The following DCAF4 variants were observed in gnomAD, a reference collection of about 807,000 sequenced individuals.
DCAF4 encodes the protein DDB1 and CUL4 associated factor 4, also known as DDB1- and CUL4-associated factor 4.
In DCAF4, 37 loss-of-function variants were observed where a neutral mutation model predicts 60.9. The observed-to-expected ratio is 0.61, with a 90% confidence interval of 0.47 to 0.80. DCAF4 has a LOEUF of 0.80. Ranked by LOEUF, DCAF4 falls within the 30% of genes least tolerant of loss-of-function variation. DCAF4 has a pLI of 0.00. For synonymous variants in DCAF4, 243 were observed against 254.8 expected (o/e 0.95, Z 0.44); for missense variants, 577 against 650.0 (o/e 0.89, Z 1.22).
intron 13 of DCAF4, chr14:72,957,518 T>G (rs1311564569): frequency 6.6e-6 from 1 of 152,264 alleles, no homozygotes; most frequent in Non-Finnish European, 1.5e-5. Context: ...AGCATTACTT[T>G]GTTAGGACAT....
intron 6 of DCAF4, among the ~76,000 whole-genome samples, chr14:72,944,350 C>T (rs1009336998): frequency 6.6e-6 from 1 of 152,172 alleles, no homozygotes; most frequent in African/African-American, 2.4e-5. Context: ...AGTAAACTTA[C>T]AACGTTGGTA....
intron 1 of DCAF4, among the ~76,000 whole-genome samples, chr14:72,934,286 G>A (rs1387068545): frequency 6.6e-6 from 1 of 151,808 alleles, no homozygotes; most frequent in African/African-American, 2.4e-5. Context: ...CCCAAGTAGT[G>A]GGGATTGCAG....
intron 13 of DCAF4, chr14:72,957,396 A>T (rs1341183664): frequency 6.6e-6 from 1 of 152,240 alleles, no homozygotes; most frequent in East Asian, 1.9e-4. Flanking sequence ...TTCACACTGA[A>T]ATAGTAGCTG....
chr14:72,946,073 G>A (rs1193963255), intron 7 of DCAF4, 46 bp downstream of exon 7: 32 of 1,314,322 alleles, frequency 2.4e-5, no homozygotes, highest in Non-Finnish European at 3.4e-5. Flanking sequence ...TGACCCTGGG[G>A]GTAGTTGGCC....
chr14:72,961,168 C>G (rs1354582439), downstream of DCAF4, among the ~76,000 whole-genome samples: 2 of 152,042 alleles, frequency 1.3e-5, no homozygotes, highest in Non-Finnish European at 2.9e-5. Flanking sequence ...ATTACAGACA[C>G]GAGCCATTTG....
rs1892641966 is a variant in DCAF4 at position 72,958,896 on chromosome 14, A to T, written c.*91A>T. 6.7e-7 allele frequency: 1 copy of T among 1,493,670 alleles called. No individual in the cohort carries two copies. Among genetic ancestry groups the T allele is most frequent in the Non-Finnish European group, 8.9e-7 (1 of 1,128,438 alleles). The allele number at this position is 1,493,670 out of a possible 1,614,324, so 92.5% of individuals were successfully genotyped here. On this transcript the variant is annotated 3_prime_UTR_variant, in exon 14 of 14. Transcript: ENST00000358377. ...GCATCTAATGAGGGTGTTTTAAGTG[A>T]CACTCAGTGTACACAGATCCCATCC... is the stretch of plus-strand genomic sequence containing the variant.
intron 4 of DCAF4, among the ~76,000 whole-genome samples, chr14:72,941,033 G>A (rs1436258791): frequency 1.4e-5 from 2 of 144,918 alleles, no homozygotes; most frequent in African/African-American, 5.1e-5. Context: ...GCGCCATCTC[G>A]GCTCACTGCA....
rs879081363 is a variant in DCAF4, at chr14:72,956,245, C to T, written c.1180-141C>T. The T allele has an allele frequency of 9.7e-6, 6 of 615,778 alleles. No homozygotes were observed. The South Asian group carries it at 1.2e-4, about 13-fold the overall frequency. 38.1% of individuals were successfully genotyped at this position (615,778 alleles called of 1,614,324 possible). A position where few individuals can be genotyped will look rare whatever the true frequency, so the allele number is the denominator to read the frequency against. ...CTGGTTACATGCTTTTGATGAACAACAAGGCTCAAGAATTCGAGATGGAGA... is the reference window on the plus strand; with the variant it reads ...CTGGTTACATGCTTTTGATGAACAATAAGGCTCAAGAATTCGAGATGGAGA... On this transcript the variant is annotated intron_variant, in intron 12 of 13. Transcript: ENST00000358377.
chr14:72,929,223 C>A (rs553274590), intron 1 of DCAF4, among the ~76,000 whole-genome samples: 2 of 152,288 alleles, frequency 1.3e-5, no homozygotes, highest in South Asian at 4.1e-4. Context: ...CCGGAAGCTG[C>A]GGGCTCCCAA....
intron 9 of DCAF4, among the ~76,000 whole-genome samples, chr14:72,952,116 C>T (rs1035628034): frequency 1.3e-5 from 2 of 152,274 alleles, no homozygotes; most frequent in South Asian, 4.1e-4. Flanking sequence ...TGTAAACCAG[C>T]GTGAGCTCAG....
At chr14:72,935,281 G>A (rs1022877062) in intron 1 of DCAF4, 2 of 150,636 alleles carry the variant, frequency 1.3e-5, no homozygotes, top group Admixed American at 6.6e-5. Flanking sequence ...TTGAGACGGA[G>A]TTTCACCCTT....
downstream of DCAF4, chr14:72,960,565 G>T: frequency 1.9e-6 from 2 of 1,038,544 alleles, no homozygotes; most frequent in South Asian, 7.1e-5. Flanking sequence ...CATTGTGGCT[G>T]ACAGTCTTCT....
intron 6 of DCAF4, 42 bp downstream of exon 6, chr14:72,943,138 C>A: frequency 6.4e-7 from 1 of 1,573,422 alleles, no homozygotes; most frequent in Non-Finnish European, 8.7e-7. Context: ...TGGCTGCCAC[C>A]CTCTGGACAC....
chr14:72,953,733 ATAT>A lies in DCAF4; in HGVS notation c.809-430_809-428del, dbSNP rs1191560566. ...TTAAAAAAAAAAAAAAAAAAAAAAA[ATAT>A]ATATATATATATATATATATATATA... is the stretch of plus-strand genomic sequence containing the variant. On this transcript the variant is annotated intron_variant, in intron 9 of 13. Coordinates refer to ENST00000358377, the MANE Select transcript of DCAF4 (RefSeq NM_015604.4). Among the ~76,000 whole-genome samples the A allele has an allele frequency of 2.3e-3, 58 of 24,688 alleles. 19 individuals are homozygous for A. The highest frequency in any genetic ancestry group is 4.3e-3 in the South Asian group (2 of 464). The allele number at this position is 24,688 out of a possible 152,430, so 16.2% of individuals were successfully genotyped here. A position where few individuals can be genotyped will look rare whatever the true frequency, so the allele number is the denominator to read the frequency against.
chr14:72,955,914 CTTTTTT>C (rs71109770), intron 12 of DCAF4, among the ~76,000 whole-genome samples: 5 of 54,728 alleles, frequency 9.1e-5, no homozygotes, highest in South Asian at 1.2e-3. Context: ...TGGTTATGTC[CTTTTTT>C]TTTTTTTTTT....
At chr14:72,957,403 G>T (rs1335730871) in intron 13 of DCAF4, 2 of 152,180 alleles carry the variant, frequency 1.3e-5, no homozygotes, top group Non-Finnish European at 2.9e-5. Flanking sequence ...TGAAATAGTA[G>T]CTGCTGACAC....
chr14:72,933,582 A>G (rs1481116919), intron 1 of DCAF4, among the ~76,000 whole-genome samples: 1 of 151,020 alleles, frequency 6.6e-6, no homozygotes, highest in Non-Finnish European at 1.5e-5. Flanking sequence ...AAAGTCTCTA[A>G]TTCTCACTGT....
At chr14:72,960,236 ACCT>A (rs1892761990), downstream of DCAF4, among the ~76,000 whole-genome samples, 1 of 146,348 alleles carries the variant, frequency 6.8e-6, no homozygotes, top group Non-Finnish European at 1.5e-5. Flanking sequence ...CGCACCCTCC[ACCT>A]CCTGGGTTCT....
chr14:72,956,111 T>C (rs1567330400), intron 12 of DCAF4, among the ~76,000 whole-genome samples: 1 of 151,836 alleles, frequency 6.6e-6, no homozygotes, highest in Non-Finnish European at 1.5e-5. Flanking sequence ...TTAGTAGAGA[T>C]GGGGTTTCAC....
Sources: allele counts gnomAD v4.1 joint callset (sites outside exome capture counted in the v4.1 genomes callset), GRCh38; gene constraint gnomAD v4.1.1; transcripts MANE v1.5; gene names NCBI Gene and HGNC (gene_info 2026-07-23, HGNC 2026-07-21).